KMT2C: variants seen among roughly 807,000 people sequenced by gnomAD.
KMT2C encodes the protein lysine methyltransferase 2C, also known as histone-lysine N-methyltransferase 2C.
KMT2C carries 88 observed loss-of-function variants against 507.9 expected under a neutral mutation model. That is an observed-to-expected ratio of 0.17 (90% CI 0.15 to 0.21). KMT2C has a LOEUF of 0.21. Among genes scored for constraint, KMT2C ranks in the 10% least tolerant of loss-of-function variants. KMT2C has a pLI of 1.00. For missense variants in KMT2C, 4,954 were observed against 5,957.8 expected (o/e 0.83, Z 5.55); for synonymous variants, 2,049 against 2,080.8 (o/e 0.98, Z 0.42).
chr7:152,225,104 TG>T (rs935613986), intron 18 of KMT2C, among the ~76,000 whole-genome samples: 3 of 152,216 alleles, frequency 2.0e-5, no homozygotes, highest in Non-Finnish European at 2.9e-5. Context: ...CTAGGAATTC[TG>T]AAGTTCACAT....
intron 1 of KMT2C, among the ~76,000 whole-genome samples, chr7:152,391,960 G>A (rs1280696927): frequency 6.6e-6 from 1 of 152,114 alleles, no homozygotes; most frequent in Non-Finnish European, 1.5e-5. Flanking sequence ...TTCCTCACCA[G>A]TAAAAGGGTC....
intron 1 of KMT2C, among the ~76,000 whole-genome samples, chr7:152,435,049 T>C (rs2097903947): frequency 6.6e-6 from 1 of 152,030 alleles, no homozygotes. Flanking sequence ...AATGGCTTCC[T>C]AATATATCAT....
At chr7:152,187,226 T>A (rs2093654846) in intron 33 of KMT2C, 36 bp downstream of exon 33, 2 of 1,557,732 alleles carry the variant, frequency 1.3e-6, no homozygotes, top group Non-Finnish European at 1.8e-6. Flanking sequence ...CATGTGAAAA[T>A]GTTGGTAAAA....
chr7:152,253,514 C>CCAAA (rs1300641123), intron 9 of KMT2C, among the ~76,000 whole-genome samples: 3 of 39,512 alleles, frequency 7.6e-5, no homozygotes, highest in African/African-American at 2.3e-4. Flanking sequence ...TCTTTCTCTA[C>CCAAA]AAAAAAAAAA....
intron 2 of KMT2C, among the ~76,000 whole-genome samples, chr7:152,331,141 C>G (rs1258793197): frequency 3.3e-5 from 5 of 151,878 alleles, no homozygotes; most frequent in Non-Finnish European, 5.9e-5. Context: ...AACCTCATCT[C>G]AACAAAAAAT....
At chr7:152,314,439 C>T (rs905838246) in intron 4 of KMT2C, among the ~76,000 whole-genome samples, 1 of 151,986 alleles carries the variant, frequency 6.6e-6, no homozygotes, top group Non-Finnish European at 1.5e-5. Context: ...TCTTTAAACA[C>T]AACTGTACAA....
At chr7:152,270,157 G>C (rs906896366) in intron 7 of KMT2C, among the ~76,000 whole-genome samples, 3 of 152,158 alleles carry the variant, frequency 2.0e-5, no homozygotes, top group Non-Finnish European at 4.4e-5. Context: ...GTCTATAAAA[G>C]AGAATCTCTG....
intron 1 of KMT2C, among the ~76,000 whole-genome samples, chr7:152,389,235 G>T (rs1348486353): frequency 6.6e-6 from 1 of 151,344 alleles, no homozygotes; most frequent in Non-Finnish European, 1.5e-5. Flanking sequence ...CTCAATTCTG[G>T]AGACTGGAAG....
At chr7:152,368,360 C>A in intron 1 of KMT2C, 1 of 1,131,446 alleles carries the variant, frequency 8.8e-7, no homozygotes, top group African/African-American at 1.5e-5. Flanking sequence ...AGCCCTCTGG[C>A]ACAAATGGAA....
At chr7:152,180,262 C>T in intron 36 of KMT2C, 136 bp from the exon 37 acceptor site, 1 of 876,742 alleles carries the variant, frequency 1.1e-6, no homozygotes, top group Non-Finnish European at 1.8e-6. Context: ...CTCAAGTGAT[C>T]CTCCTGTCTC....
intron 9 of KMT2C, among the ~76,000 whole-genome samples, chr7:152,259,446 G>GCACACACACACACACACA (rs372982101): frequency 1.3e-4 from 18 of 134,788 alleles, no homozygotes; most frequent in Non-Finnish European, 2.1e-4. Flanking sequence ...ACACACACGC[G>GCACACACACACACACACA]CACACACACA....
At position 152,224,149 on chromosome 7, in the gene KMT2C, T is replaced by A. The variant is rs751069790; in HGVS notation, c.3189A>T (p.Thr1063=). 2.5e-6 allele frequency: 4 copies of A among 1,608,952 alleles called. No homozygotes were observed. Among genetic ancestry groups the A allele is most frequent in the East Asian group, 2.2e-5 (1 of 44,864 alleles). ...WCVWCRHCGA[T]SAGLRCEWQN... ...GCCATTCACATCTTAGACCTGCAGA[T>A]GTTGCTCCACAGTGTCTGCACCAAA... The change falls in exon 20 of 59, where the codon ACA becomes ACT. Residue 1063 remains threonine, a synonymous_variant. Coordinates refer to ENST00000262189, the MANE Select transcript of KMT2C (RefSeq NM_170606.3).
chr7:152,162,819 G>A lies in KMT2C; in HGVS notation c.10758C>T (p.Thr3586=). 1 of 1,614,084 alleles carries A rather than the reference G, an allele frequency of 6.2e-7. No homozygotes were observed. The highest frequency in any genetic ancestry group is 1.3e-5 in the African/African-American group (1 of 74,982). ...ITHGHSYPGS[T]QSLIQLYSDI... is the part of the protein sequence containing the mutation. The stretch of plus-strand genomic sequence containing the variant: ...CAGAATACAACTGAATGAGCGATTG[G>A]GTTGATCCCGGATAACTGTGTCCAT... Residue 3586 remains threonine (T), a synonymous_variant, in exon 43 of 59, where the codon ACC becomes ACT. Coordinates refer to ENST00000262189, the MANE Select transcript of KMT2C (RefSeq NM_170606.3).
intron 42 of KMT2C, 35 bp downstream of exon 42, chr7:152,167,111 G>T: frequency 6.7e-7 from 1 of 1,497,722 alleles, no homozygotes; most frequent in Middle Eastern, 1.7e-4. Flanking sequence ...CTCATTAATT[G>T]TTGGTAGTTT....
In KMT2C at chr7:152,315,102, TAATC is replaced by T. The variant is rs756922975; in HGVS notation, c.590+32_590+35del. On this transcript the variant is annotated intron_variant, in intron 4 of 58. Coordinates refer to ENST00000262189, the MANE Select transcript of KMT2C (RefSeq NM_170606.3). ...AATGGAAATAAATTATATGCAGTCT[TAATC>T]TATTCCAACATTTAAAGTCGAAACT... 5.9e-6 allele frequency: 9 copies of T among 1,524,324 alleles called. No individual in the cohort carries two copies. The East Asian group carries it at 2.0e-4, about 34-fold the overall frequency. 94.4% of individuals were successfully genotyped at this position (1,524,324 alleles called of 1,614,324 possible). A position where few individuals can be genotyped will look rare whatever the true frequency, so the allele number is the denominator to read the frequency against.
At chr7:152,296,997 A>AAGAAAG (rs1235502213) in intron 6 of KMT2C, among the ~76,000 whole-genome samples, 11 of 59,008 alleles carry the variant, frequency 1.9e-4, no homozygotes, top group South Asian at 6.9e-4. Context: ...GAAAGAAAGA[A>AAGAAAG]AAAGAAAGAA....
intron 2 of KMT2C, among the ~76,000 whole-genome samples, chr7:152,331,700 A>G (rs1418702388): frequency 1.4e-5 from 2 of 143,540 alleles, no homozygotes; most frequent in East Asian, 2.0e-4. Context: ...CCAGGCTGGA[A>G]TGCAATGGCG....
intron 6 of KMT2C, among the ~76,000 whole-genome samples, chr7:152,296,329 G>C (rs979498927): frequency 2.6e-5 from 4 of 151,436 alleles, no homozygotes; most frequent in Non-Finnish European, 5.9e-5. Flanking sequence ...AGCTACTCCA[G>C]AGGCTGAGGC....
At position 152,431,198 on chromosome 7, in the gene KMT2C, T is replaced by C. The variant is rs1302317403; in HGVS notation, c.161+4428A>G. ...CAAGTTTACATATTAGTAACCAATA[T>C]GTAAATTGGTAAGTTTACATATTAG... On this transcript the variant is annotated intron_variant, in intron 1 of 58. Transcript: ENST00000262189. Among the ~76,000 whole-genome samples, 9 of 152,196 alleles carry C rather than the reference T, an allele frequency of 5.9e-5. No individual in the cohort carries two copies. In the East Asian group the frequency reaches 9.6e-4, roughly 16 times the overall value.
Sources: gnomAD v4.1 joint callset for allele counts (sites outside exome capture counted in the v4.1 genomes callset) on GRCh38, gnomAD v4.1.1 for gene constraint, MANE v1.5 for transcripts, NCBI Gene and HGNC (gene_info 2026-07-23, HGNC 2026-07-21) for gene names.